The following ITFG1 variants were observed in gnomAD, a reference collection of about 807,000 sequenced individuals.
ITFG1 encodes the protein T-cell immunomodulatory protein.
A neutral mutation model predicts 81.8 loss-of-function variants in ITFG1; 34 were observed. That is an observed-to-expected ratio of 0.42 (90% CI 0.32 to 0.55). The LOEUF (loss-of-function observed/expected upper bound fraction) is 0.55. Ranked by LOEUF, ITFG1 falls within the 20% of genes least tolerant of loss-of-function variation. The pLI is 0.17. For missense variants in ITFG1, 672 were observed against 755.4 expected (o/e 0.89, Z 1.29); for synonymous variants, 285 against 270.6 (o/e 1.05, Z -0.52).
chr16:47,450,595 A>G (rs1457527713), intron 5 of ITFG1: 1 of 212,498 alleles, frequency 4.7e-6, no homozygotes, highest in African/African-American at 2.4e-5. Flanking sequence ...ATAAAACACA[A>G]AGAGAAAAGT....
intron 6 of ITFG1, among the ~76,000 whole-genome samples, chr16:47,399,553 A>G (rs1968633733): frequency 6.6e-6 from 1 of 151,858 alleles, no homozygotes; most frequent in Non-Finnish European, 1.5e-5. Flanking sequence ...AGCCTGGGCA[A>G]GAGAGCGAGA....
At chr16:47,233,338 G>A (rs1379666116) in intron 13 of ITFG1, among the ~76,000 whole-genome samples, 5 of 152,194 alleles carry the variant, frequency 3.3e-5, no homozygotes, top group Non-Finnish European at 7.3e-5. Flanking sequence ...GATCAAAGAT[G>A]GAGCCAATAC....
intron 6 of ITFG1, among the ~76,000 whole-genome samples, chr16:47,420,107 C>G (rs1968925882): frequency 6.6e-6 from 1 of 152,054 alleles, no homozygotes; most frequent in Non-Finnish European, 1.5e-5. Context: ...AATGGTTGAC[C>G]AAGAGCATGT....
intron 13 of ITFG1, among the ~76,000 whole-genome samples, chr16:47,237,556 C>T (rs1965890447): frequency 6.6e-6 from 1 of 152,136 alleles, no homozygotes; most frequent in African/African-American, 2.4e-5. Context: ...TAAGACTACA[C>T]ACAAAAAAGT....
intron 8 of ITFG1, among the ~76,000 whole-genome samples, chr16:47,329,490 C>T (rs1541589): frequency 0.12 from 18,030 of 152,106 alleles, 2,349 homozygotes; most frequent in African/African-American, 0.33. Context: ...CACTTGCTAG[C>T]AGTGTTGCCT....
At chr16:47,205,243 G>T (rs1379213624) in intron 14 of ITFG1, among the ~76,000 whole-genome samples, 2 of 152,162 alleles carry the variant, frequency 1.3e-5, no homozygotes, top group Non-Finnish European at 2.9e-5. Flanking sequence ...TGAGGGAGCT[G>T]TTCTATCTGT....
At chr16:47,384,297 A>T (rs1968432254) in intron 6 of ITFG1, among the ~76,000 whole-genome samples, 1 of 152,234 alleles carries the variant, frequency 6.6e-6, no homozygotes, top group Non-Finnish European at 1.5e-5. Flanking sequence ...CAAGGGAAGG[A>T]TGGTTAAAAA....
At chr16:47,337,765 G>C (rs118128373) in intron 8 of ITFG1, among the ~76,000 whole-genome samples, 1 of 152,180 alleles carries the variant, frequency 6.6e-6, no homozygotes. Flanking sequence ...GGAGAGGTAT[G>C]GTGGCGTTCA....
intron 14 of ITFG1, among the ~76,000 whole-genome samples, chr16:47,182,809 C>A (rs867508946): frequency 6.6e-6 from 1 of 152,200 alleles, no homozygotes; most frequent in Admixed American, 6.5e-5. Context: ...CAGCTCCCAG[C>A]GTGAGCAACG....
At chr16:47,202,294 A>T (rs1039737183) in intron 14 of ITFG1, 1 of 152,230 alleles carries the variant, frequency 6.6e-6, no homozygotes, top group African/African-American at 2.4e-5. Flanking sequence ...TAATACACTC[A>T]AGTAGTTTAG....
At chr16:47,460,475 A>G (rs997262050) in intron 1 of ITFG1, among the ~76,000 whole-genome samples, 1 of 152,152 alleles carries the variant, frequency 6.6e-6, no homozygotes. Context: ...GGGCCTTGGG[A>G]GCGAACGTTG....
At chr16:47,344,146 A>G (rs1178346739) in intron 8 of ITFG1, among the ~76,000 whole-genome samples, 2 of 152,196 alleles carry the variant, frequency 1.3e-5, no homozygotes, top group Non-Finnish European at 2.9e-5. Flanking sequence ...ACGGTTATTG[A>G]GTTTCTACTT....
intron 8 of ITFG1, among the ~76,000 whole-genome samples, chr16:47,336,308 A>C (rs548583423): frequency 6.6e-6 from 1 of 152,258 alleles, no homozygotes; most frequent in Non-Finnish European, 1.5e-5. Flanking sequence ...TGCTGAATCA[A>C]GAAACAGGCA....
intron 8 of ITFG1, among the ~76,000 whole-genome samples, chr16:47,314,025 C>G (rs886284541): frequency 1.3e-5 from 2 of 152,110 alleles, no homozygotes; most frequent in Non-Finnish European, 2.9e-5. Flanking sequence ...GTGTCTTGTT[C>G]TAAATTGCAC....
At chr16:47,236,334 G>C (rs1160015238) in intron 13 of ITFG1, among the ~76,000 whole-genome samples, 1 of 152,084 alleles carries the variant, frequency 6.6e-6, no homozygotes, top group South Asian at 2.1e-4. Flanking sequence ...AATTAGCCGG[G>C]CATGGTGGCA....
chr16:47,343,011 G>A (rs1967805004), intron 8 of ITFG1, among the ~76,000 whole-genome samples: 1 of 152,068 alleles, frequency 6.6e-6, no homozygotes. Context: ...AATTCATGTG[G>A]AATTGCAGGA....
chr16:47,221,067 C>A (rs1198255233), intron 13 of ITFG1, among the ~76,000 whole-genome samples: 1 of 152,092 alleles, frequency 6.6e-6, no homozygotes, highest in East Asian at 1.9e-4. Flanking sequence ...GAAGAGCCTA[C>A]CAGGTACTGG....
chr16:47,446,205 G>C (rs1567503456), intron 5 of ITFG1, among the ~76,000 whole-genome samples: 1 of 152,122 alleles, frequency 6.6e-6, no homozygotes, highest in Non-Finnish European at 1.5e-5. Flanking sequence ...CAGATAAGCT[G>C]TACAATTCCG....
At chr16:47,237,501 A>T (rs1965889917) in intron 13 of ITFG1, among the ~76,000 whole-genome samples, 1 of 152,148 alleles carries the variant, frequency 6.6e-6, no homozygotes, top group African/African-American at 2.4e-5. Flanking sequence ...TTATTTTCAC[A>T]TTTGTTATTT....
Sources: gnomAD v4.1 joint callset for allele counts (sites outside exome capture counted in the v4.1 genomes callset) on GRCh38, gnomAD v4.1.1 for gene constraint, MANE v1.5 for transcripts, NCBI Gene and HGNC (gene_info 2026-07-23, HGNC 2026-07-21) for gene names.